The following AKAP11 variants were observed in gnomAD, a reference collection of about 807,000 sequenced individuals.
AKAP11 encodes A-kinase anchoring protein 11, also known as A-kinase anchor protein 11.
In AKAP11, 36 loss-of-function variants were observed where a neutral mutation model predicts 146.1. That is an observed-to-expected ratio of 0.25 (90% CI 0.19 to 0.33). The LOEUF is 0.33. Among genes scored for constraint, AKAP11 ranks in the 10% least tolerant of loss-of-function variants. The probability of loss-of-function intolerance (pLI) is 1.00; values close to 1 mark genes in which losing one functional copy is unlikely to be tolerated. For missense variants in AKAP11, 2,201 were observed against 2,197.0 expected, an observed-to-expected ratio of 1.00 and a Z score of -0.04; for synonymous variants, 780 against 786.5, an observed-to-expected ratio of 0.99 and a Z score of 0.14.
chr13:42,301,006 A>G lies in AKAP11; in HGVS notation c.2260A>G (p.Thr754Ala), dbSNP rs778159088. The change falls in exon 8 of 13, where the codon ACA (threonine) becomes GCA (alanine). Residue 754 changes from threonine to alanine, a missense_variant. Thr to Ala is a moderately conservative substitution (Grantham distance 58, BLOSUM62 0). Transcript: ENST00000025301. ...TTTTCACAATCAAGCAATTATGGTGACAAAACCAGTGCAGGAATATAAAAA... is the reference window on the plus strand; with the variant it reads ...TTTTCACAATCAAGCAATTATGGTGGCAAAACCAGTGCAGGAATATAAAAA... ...PSFHNQAIMVTKPVQEYKKEY... is the reference protein window; with the variant it reads ...PSFHNQAIMVAKPVQEYKKEY... 5.0e-6 allele frequency: 8 copies of G among 1,614,018 alleles called. No individual in the cohort carries two copies. The highest frequency in any genetic ancestry group is 6.8e-6 in the Non-Finnish European group (8 of 1,179,974).
At chr13:42,291,340 C>T (rs1490212910) in intron 3 of AKAP11, among the ~76,000 whole-genome samples, 2 of 152,186 alleles carry the variant, frequency 1.3e-5, no homozygotes, top group African/African-American at 4.8e-5. Context: ...GCAACCCCCA[C>T]CTCCCAGGTT....
At chr13:42,297,247 G>T in intron 6 of AKAP11, 65 bp downstream of exon 6, 4 of 1,216,100 alleles carry the variant, frequency 3.3e-6, no homozygotes, top group East Asian at 2.8e-5. Context: ...TGATAAAGAT[G>T]ATTAAACTTT....
chr13:42,279,244 A>T (rs1394916389), intron 1 of AKAP11, among the ~76,000 whole-genome samples: 3 of 147,696 alleles, frequency 2.0e-5, no homozygotes, highest in African/African-American at 7.5e-5. Context: ...CCACTTCCCC[A>T]GTGCACGCAC....
Position 42,302,404 on chromosome 13 carries a change from A to G in AKAP11, c.3658A>G (p.Asn1220Asp). 1 of 1,614,134 alleles carries G rather than the reference A, an allele frequency of 6.2e-7. No homozygotes were observed. The highest frequency in any genetic ancestry group is 8.5e-7 in the Non-Finnish European group (1 of 1,180,030). The change falls in exon 8 of 13, where the codon AAC (asparagine) becomes GAC (aspartate). Residue 1220 changes from asparagine (N) to aspartate (D), a missense_variant. Coordinates refer to ENST00000025301, the MANE Select transcript of AKAP11 (RefSeq NM_016248.4). ...ATEMAASHLD[N>D]KIIQEPKVKN... The stretch of plus-strand genomic sequence containing the variant: ...TGAAATGGCAGCTTCCCATTTAGAT[A>G]ACAAAATAATTCAAGAACCCAAGGT...
At chr13:42,287,486 G>A (rs146061909) in intron 3 of AKAP11, among the ~76,000 whole-genome samples, 28,864 of 151,776 alleles carry the variant, frequency 0.19, 3,173 homozygotes, top group Non-Finnish European at 0.24. Flanking sequence ...GGGTTTCACC[G>A]TGTTAGCCAG....
chr13:42,312,271 T>G (rs1404242503), intron 9 of AKAP11, among the ~76,000 whole-genome samples: 1 of 152,208 alleles, frequency 6.6e-6, no homozygotes, highest in Non-Finnish European at 1.5e-5. Context: ...CATGGTTGCT[T>G]TTTTTAAAAA....
intron 1 of AKAP11, among the ~76,000 whole-genome samples, chr13:42,283,811 A>G (rs1429682813): frequency 1.3e-5 from 2 of 152,256 alleles, no homozygotes; most frequent in Non-Finnish European, 1.5e-5. Context: ...GAGCAGACTC[A>G]GAGAAAGTGA....
chr13:42,300,288 T>G lies in AKAP11; in HGVS notation c.1542T>G (p.Asn514Lys). 6.2e-7 allele frequency: 1 copy of G among 1,613,436 alleles called. No homozygotes were observed. ...CCCACCATACTAATACCCTATCAAA[T>G]ATTAACAGTATTAAACATGGAGAAA... is the stretch of plus-strand genomic sequence containing the variant. ...LRTHHTNTLS[N>K]INSIKHGENK... The change falls in exon 8 of 13, where the codon AAT (asparagine) becomes AAG (lysine). Residue 514 changes from asparagine (N) to lysine (K), a missense_variant. Asn to Lys is a moderately conservative substitution (Grantham distance 94). Transcript: ENST00000025301.
intron 3 of AKAP11, among the ~76,000 whole-genome samples, 181 bp from the exon 4 acceptor site, chr13:42,292,204 A>G (rs74593995): frequency 0.022 from 3,372 of 152,272 alleles, 118 homozygotes; most frequent in African/African-American, 0.074. Context: ...AACTCTGCCT[A>G]AACCTTTTCA....
At chr13:42,290,382 C>T (rs185102646) in intron 3 of AKAP11, among the ~76,000 whole-genome samples, 1 of 152,226 alleles carries the variant, frequency 6.6e-6, no homozygotes, top group African/African-American at 2.4e-5. Flanking sequence ...AGGTAATAAC[C>T]ACCAGATATC....
Position 42,302,757 on chromosome 13 carries a change from C to G in AKAP11, c.4011C>G (p.Ser1337Arg), listed in dbSNP as rs149405990. 1.5e-5 allele frequency: 25 copies of G among 1,613,952 alleles called. No homozygotes were observed. Among genetic ancestry groups the G allele is most frequent in the African/African-American group, 2.7e-5 (2 of 74,892 alleles). Residue 1337 changes from serine to arginine, a missense_variant, in exon 8 of 13, where the codon AGC becomes AGG. By Grantham distance (110) the Ser-to-Arg change is moderately radical (BLOSUM62 -1). Transcript: ENST00000025301. Reference protein sequence around the residue: ...CMSGLMYKYPSCESVTDEYAG... With the variant: ...CMSGLMYKYPRCESVTDEYAG... ...CAGGTCTGATGTATAAGTATCCCAG[C>G]TGTGAAAGTGTGACAGATGAATATG...
At chr13:42,310,511 T>C (rs1441243356) in intron 9 of AKAP11, among the ~76,000 whole-genome samples, 2 of 152,204 alleles carry the variant, frequency 1.3e-5, no homozygotes, top group African/African-American at 4.8e-5. Context: ...ACAATTGATA[T>C]CTATACTGTT....
At chr13:42,274,896 A>C (rs1456869155) in intron 1 of AKAP11, among the ~76,000 whole-genome samples, 2 of 152,242 alleles carry the variant, frequency 1.3e-5, no homozygotes, top group Admixed American at 1.3e-4. Flanking sequence ...AGTCAGGTCT[A>C]TTAATTAAAT....
chr13:42,309,622 A>G (rs1297446002), intron 9 of AKAP11, among the ~76,000 whole-genome samples: 1 of 152,236 alleles, frequency 6.6e-6, no homozygotes, highest in African/African-American at 2.4e-5. Flanking sequence ...ATAGTTTATT[A>G]TGGTGCTATA....
At chr13:42,297,961 T>G (rs528235664) in intron 6 of AKAP11, among the ~76,000 whole-genome samples, 2 of 152,122 alleles carry the variant, frequency 1.3e-5, no homozygotes, top group African/African-American at 2.4e-5. Flanking sequence ...AATAAATAAT[T>G]TCATCAGTAT....
chr13:42,316,573 T>G (rs1426998096), intron 11 of AKAP11, among the ~76,000 whole-genome samples: 1 of 152,262 alleles, frequency 6.6e-6, no homozygotes, highest in Non-Finnish European at 1.5e-5. Context: ...GATCTGGCTT[T>G]TGGGTGTAAG....
intron 6 of AKAP11, among the ~76,000 whole-genome samples, chr13:42,297,529 T>A (rs1482703115): frequency 6.6e-6 from 1 of 151,958 alleles, no homozygotes; most frequent in Non-Finnish European, 1.5e-5. Flanking sequence ...AATTTCAAAT[T>A]TATATAAATG....
At chr13:42,312,587 TC>T (rs575291698) in intron 9 of AKAP11, among the ~76,000 whole-genome samples, 2 of 151,978 alleles carry the variant, frequency 1.3e-5, no homozygotes, top group Non-Finnish European at 2.9e-5. Flanking sequence ...CCATCCCATC[TC>T]CCCCCAACAT....
At chr13:42,289,527 C>T (rs1332006152) in intron 3 of AKAP11, among the ~76,000 whole-genome samples, 1 of 152,110 alleles carries the variant, frequency 6.6e-6, no homozygotes, top group Non-Finnish European at 1.5e-5. Context: ...AGAGCCCCTC[C>T]AAGTAGGTAC....
Sources: gnomAD v4.1 joint callset for allele counts (sites outside exome capture counted in the v4.1 genomes callset) on GRCh38, gnomAD v4.1.1 for gene constraint, MANE v1.5 for transcripts, NCBI Gene and HGNC (gene_info 2026-07-23, HGNC 2026-07-21) for gene names.